RERG: variants seen among roughly 807,000 people sequenced by gnomAD.
The protein encoded by RERG is ras-related and estrogen-regulated growth inhibitor.
In RERG, 25 loss-of-function variants were observed where a neutral mutation model predicts 23.2. The ratio of observed to expected loss-of-function variants is 1.08; its 90% CI spans 0.79 to 1.50. RERG has a LOEUF of 1.50. RERG is among the 40% of genes most tolerant of loss of function. RERG has a pLI of 0.00. For synonymous variants in RERG, 81 were observed against 89.1 expected (o/e 0.91, Z 0.51); for missense variants, 253 against 250.1 (o/e 1.01, Z -0.08).
chr12:15,160,371 T>C (rs1230019407), intron 2 of RERG, among the ~76,000 whole-genome samples: 1 of 152,148 alleles, frequency 6.6e-6, no homozygotes, highest in Non-Finnish European at 1.5e-5. Context: ...GCAAAGCATC[T>C]CAGGTGCCGC....
intron 2 of RERG, among the ~76,000 whole-genome samples, chr12:15,124,313 C>T (rs964384978): frequency 5.3e-5 from 8 of 151,796 alleles, no homozygotes; most frequent in African/African-American, 1.9e-4. Context: ...ATCAGGAGTG[C>T]CAGATTTAGT....
intron 2 of RERG, among the ~76,000 whole-genome samples, chr12:15,190,498 T>C (rs1174754468): frequency 1.3e-5 from 2 of 152,180 alleles, no homozygotes; most frequent in East Asian, 1.9e-4. Context: ...TAATGGGTTA[T>C]GTACACAACA....
chr12:15,217,469 G>A lies in RERG; in HGVS notation c.21C>T (p.Val7=). The A allele has an allele frequency of 6.2e-7, 1 of 1,613,466 alleles. No homozygotes were observed. Among genetic ancestry groups the A allele is most frequent in the South Asian group, 1.1e-5 (1 of 91,056 alleles). ...CTGCTCTCCCAAATATTGCCAGTTT[G>A]ACCTCCGCACTTTTAGCCATGATGG... MAKSAE[V]KLAIFGRAGV... Residue 7 remains valine (V), a synonymous_variant, in exon 2 of 5, where the codon GTC becomes GTT. Transcript: ENST00000256953.
At chr12:15,169,580 G>A (rs1326693600) in intron 2 of RERG, among the ~76,000 whole-genome samples, 1 of 152,110 alleles carries the variant, frequency 6.6e-6, no homozygotes, top group Non-Finnish European at 1.5e-5. Flanking sequence ...CAGCAGGTCT[G>A]CAAAATCAGA....
chr12:15,201,377 A>T (rs919254722), intron 2 of RERG, among the ~76,000 whole-genome samples: 8 of 151,748 alleles, frequency 5.3e-5, no homozygotes, highest in Non-Finnish European at 1.2e-4. Context: ...CACTGCCTGT[A>T]AGATCTTGGG....
At position 15,119,600 on chromosome 12, in the gene RERG, T is replaced by C. The variant is rs184854019; in HGVS notation, c.118+1463A>G. ...AATAAAGAATAATTTTTTTAAAAAA[T>C]CGGGTGCATTTTTAGATCCAAATAT... On this transcript the variant is annotated intron_variant, in intron 3 of 4. Transcript: ENST00000256953. 9.2e-5 allele frequency among the ~76,000 whole-genome samples: 14 copies of C among 152,234 alleles called. No homozygotes were observed. In the East Asian group the frequency reaches 1.7e-3, roughly 19 times the overall value.
rs912731850 is a variant in RERG, at chr12:15,209,302, C to A, written c.61+8127G>T. Among the ~76,000 whole-genome samples, 16 of 152,146 alleles carry A rather than the reference C, an allele frequency of 1.1e-4. 1 individual carries two copies. Among genetic ancestry groups the A allele is most frequent in the African/African-American group, 3.6e-4 (15 of 41,436 alleles). ...CCATAATTTCATTTTGTCCTACCTGCATTCTGTAAAAATTGAAAAAAGAAC... is the reference window on the plus strand; with the variant it reads ...CCATAATTTCATTTTGTCCTACCTGAATTCTGTAAAAATTGAAAAAAGAAC... On this transcript the variant is annotated intron_variant, in intron 2 of 4. Transcript: ENST00000256953.
intron 2 of RERG, among the ~76,000 whole-genome samples, chr12:15,196,802 T>G (rs1197694534): frequency 6.6e-6 from 1 of 152,184 alleles, no homozygotes; most frequent in Non-Finnish European, 1.5e-5. Flanking sequence ...TTCTTAAGCA[T>G]TCATAGCAGT....
intron 2 of RERG, among the ~76,000 whole-genome samples, chr12:15,166,514 ATGGTGGTGATGG>A (rs1864691244): frequency 6.7e-6 from 1 of 149,396 alleles, no homozygotes; most frequent in Non-Finnish European, 1.5e-5. Flanking sequence ...GATGGTGGTG[ATGGTGGTGATGG>A]TGGTGGTGGT....
At chr12:15,136,745 T>C (rs187309805) in intron 2 of RERG, among the ~76,000 whole-genome samples, 1 of 152,174 alleles carries the variant, frequency 6.6e-6, no homozygotes, top group East Asian at 1.9e-4. Flanking sequence ...CTTAATTCCA[T>C]TGTGGTCTGA....
intron 2 of RERG, among the ~76,000 whole-genome samples, chr12:15,182,778 A>G (rs1353049771): frequency 6.6e-6 from 1 of 152,158 alleles, no homozygotes; most frequent in Admixed American, 6.5e-5. Flanking sequence ...ACATTATCTA[A>G]CTAAGAAGGT....
chr12:15,135,917 A>C (rs1864137000), intron 2 of RERG, among the ~76,000 whole-genome samples: 1 of 152,234 alleles, frequency 6.6e-6, no homozygotes, highest in East Asian at 1.9e-4. Context: ...GGCCTCATAG[A>C]ATGAGTTAGG....
chr12:15,213,118 C>G (rs1865391613), intron 2 of RERG, among the ~76,000 whole-genome samples: 1 of 152,200 alleles, frequency 6.6e-6, no homozygotes, highest in African/African-American at 2.4e-5. Flanking sequence ...AACTTTAAGA[C>G]TAGCCCTTTC....
chr12:15,137,202 TTCTG>T (rs1347333099), intron 2 of RERG, among the ~76,000 whole-genome samples: 1 of 151,784 alleles, frequency 6.6e-6, no homozygotes, highest in African/African-American at 2.4e-5. Context: ...CTGAAGTTTG[TTCTG>T]TCTGATATTA....
intron 2 of RERG, among the ~76,000 whole-genome samples, chr12:15,135,927 G>C (rs930477594): frequency 1.3e-5 from 2 of 152,080 alleles, no homozygotes; most frequent in African/African-American, 4.8e-5. Flanking sequence ...AATGAGTTAG[G>C]ACGTATTCCC....
intron 2 of RERG, among the ~76,000 whole-genome samples, chr12:15,175,927 G>A (rs1169179235): frequency 6.6e-6 from 1 of 152,146 alleles, no homozygotes; most frequent in African/African-American, 2.4e-5. Context: ...GCAGAGATGG[G>A]GAAAGAGTGA....
intron 2 of RERG, among the ~76,000 whole-genome samples, chr12:15,187,710 C>T (rs1358854537): frequency 1.3e-5 from 2 of 152,184 alleles, no homozygotes; most frequent in East Asian, 3.9e-4. Flanking sequence ...AGGCACCCGC[C>T]ACCACACCCA....
chr12:15,178,044 C>A (rs1864876487), intron 2 of RERG, among the ~76,000 whole-genome samples: 1 of 151,834 alleles, frequency 6.6e-6, no homozygotes. Flanking sequence ...AGATTGAAAC[C>A]CTTCCCTGGA....
At chr12:15,216,575 T>A (rs556767962) in intron 2 of RERG, among the ~76,000 whole-genome samples, 2 of 152,194 alleles carry the variant, frequency 1.3e-5, no homozygotes, top group Non-Finnish European at 2.9e-5. Context: ...CTACCAGATA[T>A]CTGTTTGAGT....
Sources: allele counts gnomAD v4.1 joint callset (sites outside exome capture counted in the v4.1 genomes callset), GRCh38; gene constraint gnomAD v4.1.1; transcripts MANE v1.5; gene names NCBI Gene and HGNC (gene_info 2026-07-23, HGNC 2026-07-21).